EPHA6: variants seen among roughly 807,000 people sequenced by gnomAD.
EPHA6 encodes the protein ephrin type-A receptor 6.
A neutral mutation model predicts 112.0 loss-of-function variants in EPHA6; 50 were observed. The ratio of observed to expected loss-of-function variants is 0.45; its 90% CI spans 0.36 to 0.56. The LOEUF is 0.56. EPHA6 is among the 20% of genes least tolerant of loss of function. The probability of loss-of-function intolerance (pLI) is 0.00; values close to 1 mark genes in which losing one functional copy is unlikely to be tolerated. For synonymous variants in EPHA6, 529 were observed against 490.7 expected, an observed-to-expected ratio of 1.08 and a Z score of -1.03; for missense variants, 1,280 against 1,417.4, an observed-to-expected ratio of 0.90 and a Z score of 1.56.
At chr3:97,005,162 G>A (rs2043829489) in intron 3 of EPHA6, among the ~76,000 whole-genome samples, 1 of 152,074 alleles carries the variant, frequency 6.6e-6, no homozygotes, top group Admixed American at 6.5e-5. Context: ...GAATGTCAAT[G>A]GTAGTCTGAT....
chr3:96,883,929 C>T (rs926217809), intron 2 of EPHA6, among the ~76,000 whole-genome samples: 7 of 152,080 alleles, frequency 4.6e-5, no homozygotes, highest in Non-Finnish European at 7.4e-5. Context: ...GCCTTGTCCT[C>T]CCCAAAGTGC....
intron 1 of EPHA6, among the ~76,000 whole-genome samples, chr3:96,832,811 T>G (rs1184560030): frequency 6.6e-6 from 1 of 151,928 alleles, no homozygotes; most frequent in Non-Finnish European, 1.5e-5. Context: ...TAAGAAAAAT[T>G]TAAGGAGAAA....
intron 3 of EPHA6, among the ~76,000 whole-genome samples, chr3:97,145,094 T>A (rs75317904): frequency 0.077 from 11,683 of 151,498 alleles, 725 homozygotes; most frequent in Admixed American, 0.21. Flanking sequence ...TGTGTATATA[T>A]AGAACTGTAT....
intron 3 of EPHA6, among the ~76,000 whole-genome samples, chr3:97,121,473 C>G (rs991530674): frequency 6.6e-6 from 1 of 152,068 alleles, no homozygotes; most frequent in African/African-American, 2.4e-5. Flanking sequence ...CTTCCTCTCA[C>G]TCACATGTCA....
chr3:97,550,585 C>T (rs2093016045), intron 11 of EPHA6, among the ~76,000 whole-genome samples: 1 of 152,136 alleles, frequency 6.6e-6, no homozygotes, highest in South Asian at 2.1e-4. Flanking sequence ...ACTGGGAAGA[C>T]ACTGATGCAA....
At chr3:97,645,546 G>A (rs1423022527) in intron 14 of EPHA6, among the ~76,000 whole-genome samples, 1 of 148,366 alleles carries the variant, frequency 6.7e-6, no homozygotes, top group East Asian at 2.0e-4. Context: ...GGATAGCATT[G>A]GGAGATATAC....
chr3:97,338,681 C>T (rs2083169033), intron 5 of EPHA6, among the ~76,000 whole-genome samples: 1 of 152,046 alleles, frequency 6.6e-6, no homozygotes, highest in African/African-American at 2.4e-5. Flanking sequence ...TGTCACTTGC[C>T]CAGTTTGCAA....
chr3:96,906,913 A>C (rs2107590707), intron 2 of EPHA6, among the ~76,000 whole-genome samples: 1 of 152,048 alleles, frequency 6.6e-6, no homozygotes, highest in African/African-American at 2.4e-5. Context: ...AGGTTTGTAA[A>C]ACACTAATTT....
intron 5 of EPHA6, among the ~76,000 whole-genome samples, chr3:97,383,411 A>G (rs972074361): frequency 6.6e-6 from 1 of 152,114 alleles, no homozygotes; most frequent in African/African-American, 2.4e-5. Context: ...TGCCAAATTC[A>G]TATTATTGGT....
intron 9 of EPHA6, among the ~76,000 whole-genome samples, chr3:97,481,762 G>C (rs965177136): frequency 6.6e-6 from 1 of 151,920 alleles, no homozygotes. Context: ...AGAGCTGAGA[G>C]AACTGATATC....
intron 3 of EPHA6, among the ~76,000 whole-genome samples, chr3:97,145,361 C>G (rs543295616): frequency 6.6e-6 from 1 of 150,706 alleles, no homozygotes; most frequent in East Asian, 1.9e-4. Flanking sequence ...TCTGCTTGAC[C>G]CAAATGGGCT....
intron 3 of EPHA6, among the ~76,000 whole-genome samples, chr3:97,031,772 G>A (rs961061783): frequency 3.9e-5 from 6 of 152,060 alleles, no homozygotes; most frequent in African/African-American, 1.2e-4. Flanking sequence ...ATTTAGAATG[G>A]CGATCATTAA....
At chr3:97,559,624 C>A (rs1223404835) in intron 11 of EPHA6, 1 of 455,426 alleles carries the variant, frequency 2.2e-6, no homozygotes, top group Non-Finnish European at 4.4e-6. Flanking sequence ...ATCCTCAGGG[C>A]AAAAGGGGAA....
At chr3:97,189,799 T>A (rs1433902413) in intron 3 of EPHA6, among the ~76,000 whole-genome samples, 1 of 152,120 alleles carries the variant, frequency 6.6e-6, no homozygotes, top group Non-Finnish European at 1.5e-5. Flanking sequence ...AAACTGTATC[T>A]TCTACCAAAT....
At position 97,355,253 on chromosome 3, in the gene EPHA6, A is replaced by G. The variant is rs185709250; in HGVS notation, c.1607-49897A>G. ...TAACTGTGGTGTGTAAACTACTAAT[A>G]TCTCGATTAGAAAGACTAAAAGATG... On this transcript the variant is annotated intron_variant, in intron 5 of 17. Transcript: ENST00000389672. Among the ~76,000 whole-genome samples, 17 of 152,346 alleles carry G rather than the reference A, an allele frequency of 1.1e-4. No individual in the cohort carries two copies. In the East Asian group the frequency reaches 2.9e-3, roughly 26 times the overall value.
At chr3:97,237,170 T>G (rs1228979455) in intron 4 of EPHA6, among the ~76,000 whole-genome samples, 3 of 148,040 alleles carry the variant, frequency 2.0e-5, no homozygotes, top group African/African-American at 7.7e-5. Flanking sequence ...CAGTTTGTTT[T>G]TTTTGTTTTT....
intron 7 of EPHA6, among the ~76,000 whole-genome samples, chr3:97,465,133 G>A (rs1281486209): frequency 6.6e-6 from 1 of 151,992 alleles, no homozygotes. Flanking sequence ...ACATGACAAG[G>A]TGAATGGGTA....
intron 1 of EPHA6, among the ~76,000 whole-genome samples, chr3:96,829,101 A>C (rs1209203430): frequency 2.6e-5 from 4 of 152,142 alleles, no homozygotes; most frequent in African/African-American, 4.8e-5. Flanking sequence ...GAAAGGGCAC[A>C]CTGAGGTATG....
chr3:97,604,233 G>C (rs1439436231), intron 12 of EPHA6, among the ~76,000 whole-genome samples: 1 of 151,676 alleles, frequency 6.6e-6, no homozygotes, highest in Non-Finnish European at 1.5e-5. Context: ...GTTAAAAAAG[G>C]TTACTTGTCC....
Sources: allele counts gnomAD v4.1 joint callset (sites outside exome capture counted in the v4.1 genomes callset), GRCh38; gene constraint gnomAD v4.1.1; transcripts MANE v1.5; gene names NCBI Gene and HGNC (gene_info 2026-07-23, HGNC 2026-07-21).